Variants in MEIG1 observed in about 807,000 individuals in gnomAD.
The protein encoded by MEIG1 is meiosis/spermiogenesis associated 1, also known as meiosis expressed gene 1 protein homolog.
Under a neutral mutation model 11.3 loss-of-function variants are expected in MEIG1, and 12 were observed. The observed-to-expected ratio is 1.07, with a 90% CI of 0.68 to 1.73. MEIG1 has a LOEUF of 1.73. MEIG1 is among the 40% of genes most tolerant of loss of function. The pLI, the probability that MEIG1 is intolerant of heterozygous loss-of-function variation, is 0.00. For synonymous variants in MEIG1, 41 were observed against 33.2 expected (o/e 1.24, Z -0.81); for missense variants, 119 against 104.9 (o/e 1.13, Z -0.59).
chr10:14,971,652 A>G (rs1315827035), intron 2 of MEIG1, among the ~76,000 whole-genome samples: 1 of 152,230 alleles, frequency 6.6e-6, no homozygotes, highest in East Asian at 1.9e-4. Context: ...GTATTCATCA[A>G]CAATCAGCAG....
downstream of MEIG1, among the ~76,000 whole-genome samples, chr10:14,976,610 C>T (rs1344357950): frequency 6.6e-6 from 1 of 152,002 alleles, no homozygotes; most frequent in Non-Finnish European, 1.5e-5. Context: ...TCGTCCTATT[C>T]TAGGGAAATG....
upstream of MEIG1, among the ~76,000 whole-genome samples, chr10:14,956,853 C>T (rs541130074): frequency 1.3e-5 from 2 of 152,250 alleles, no homozygotes; most frequent in East Asian, 3.9e-4. Context: ...CACTTGAGGC[C>T]AGGAGTTAAA....
chr10:14,974,595 G>A (rs1371454943), downstream of MEIG1, among the ~76,000 whole-genome samples: 4 of 151,998 alleles, frequency 2.6e-5, no homozygotes, highest in Non-Finnish European at 4.4e-5. Context: ...GTGACTTACC[G>A]CGATTAATGG....
At position 14,972,510 on chromosome 10, in the gene MEIG1, C is replaced by T; in HGVS notation, c.139-3C>T. 1.2e-6 allele frequency: 2 copies of T among 1,613,884 alleles called. No homozygotes were observed. The highest frequency in any genetic ancestry group is 1.1e-5 in the South Asian group (1 of 91,064). ...CGTTTGTACTCTGGTTCTTGATGTGCAGGTAGATCGTTGGCCGGAGACAGG... is the reference window on the plus strand; with the variant it reads ...CGTTTGTACTCTGGTTCTTGATGTGTAGGTAGATCGTTGGCCGGAGACAGG... On this transcript the variant is annotated splice_region_variant and splice_polypyrimidine_tract_variant and intron_variant, in intron 2 of 2. Coordinates refer to ENST00000407572, the MANE Select transcript of MEIG1 (RefSeq NM_001080836.3).
chr10:14,971,401 G>A (rs775534808), intron 2 of MEIG1, among the ~76,000 whole-genome samples: 2 of 151,814 alleles, frequency 1.3e-5, no homozygotes, highest in Non-Finnish European at 2.9e-5. Context: ...AACTTATCTG[G>A]GCATGGTGGT....
At chr10:14,961,389 CATAT>C (rs1288558658) in intron 1 of MEIG1, among the ~76,000 whole-genome samples, 1 of 152,178 alleles carries the variant, frequency 6.6e-6, no homozygotes, top group Non-Finnish European at 1.5e-5. Context: ...CTAAGTATTT[CATAT>C]AATTCAGTTT....
chr10:14,982,534 C>T (rs567119341), intron 1 of MEIG1, among the ~76,000 whole-genome samples: 2 of 152,054 alleles, frequency 1.3e-5, no homozygotes, highest in East Asian at 3.9e-4. Flanking sequence ...CCTTCTGGGA[C>T]GGGGTATTGT....
Position 14,966,569 on chromosome 10 carries a change from A to G in MEIG1, c.101A>G (p.Asp34Gly), listed in dbSNP as rs1227069053. 3.1e-6 allele frequency: 5 copies of G among 1,612,136 alleles called. No homozygotes were observed. The highest frequency in any genetic ancestry group is 4.2e-6 in the Non-Finnish European group (5 of 1,179,408). Reference sequence around the variant, plus strand: ...AGATTTCAACAAGCAGGATATCGGGATGAAACCGAATATAGACAAGTGAAA... The same window carrying G: ...AGATTTCAACAAGCAGGATATCGGGGTGAAACCGAATATAGACAAGTGAAA... ...LYRFQQAGYR[D>G]ETEYRQVKQV... is the part of the protein sequence containing the mutation. Residue 34 changes from aspartate (D) to glycine (G), a missense_variant, in exon 2 of 3, where the codon GAT (aspartate) becomes GGT (glycine). Coordinates refer to ENST00000407572, the MANE Select transcript of MEIG1 (RefSeq NM_001080836.3).
intron 1 of MEIG1, among the ~76,000 whole-genome samples, chr10:14,984,517 CTTA>C (rs1310408885): frequency 1.3e-5 from 2 of 151,834 alleles, no homozygotes; most frequent in East Asian, 3.9e-4. Flanking sequence ...ACCTTGTGGT[CTTA>C]TTCTTCTTCT....
intron 1 of MEIG1, among the ~76,000 whole-genome samples, chr10:14,983,829 T>C (rs1350209719): frequency 1.3e-5 from 2 of 151,932 alleles, no homozygotes; most frequent in Non-Finnish European, 2.9e-5. Flanking sequence ...CTCCTCCCAA[T>C]AGCACAGAAA....
In MEIG1 at chr10:14,981,672, G is replaced by C. The variant is rs537834188; in HGVS notation, n.67-5124G>C. On this transcript the variant is annotated intron_variant and non_coding_transcript_variant, in intron 1 of 2. Transcript: ENST00000467536. ...TCCCTCAGTCCAATAACCCTTCTGC[G>C]AGGTTGAGCCGGGCCCCTTCCTCCT... is the stretch of plus-strand genomic sequence containing the variant. Among the ~76,000 whole-genome samples, 38 of 152,302 alleles carry C rather than the reference G, an allele frequency of 2.5e-4. No homozygotes were observed. The South Asian group carries it at 2.9e-3, about 12-fold the overall frequency.
chr10:14,976,918 A>G (rs961796922), downstream of MEIG1, among the ~76,000 whole-genome samples: 1 of 151,934 alleles, frequency 6.6e-6, no homozygotes, highest in Non-Finnish European at 1.5e-5. Flanking sequence ...TATTATTCGT[A>G]CTGTCCTGAA....
downstream of MEIG1, among the ~76,000 whole-genome samples, chr10:14,974,061 C>T (rs1243230610): frequency 6.6e-6 from 1 of 152,172 alleles, no homozygotes; most frequent in East Asian, 1.9e-4. Context: ...CCCTGAATAA[C>T]CTCAGAGACC....
intron 2 of MEIG1, among the ~76,000 whole-genome samples, chr10:14,969,264 T>C (rs768448008): frequency 4.0e-5 from 6 of 151,226 alleles, no homozygotes; most frequent in African/African-American, 7.3e-5. Flanking sequence ...CTGGGTGACA[T>C]AGTGAGAACC....
At chr10:14,971,213 A>AATG (rs1284639051) in intron 2 of MEIG1, among the ~76,000 whole-genome samples, 1 of 140,566 alleles carries the variant, frequency 7.1e-6, no homozygotes, top group African/African-American at 2.7e-5. Flanking sequence ...ATATAATAAT[A>AATG]ATGATAATAA....
At chr10:14,984,692 G>A (rs1843300753) in intron 1 of MEIG1, among the ~76,000 whole-genome samples, 1 of 152,094 alleles carries the variant, frequency 6.6e-6, no homozygotes, top group Non-Finnish European at 1.5e-5. Context: ...CACAGAGGGT[G>A]TACACTCTGT....
upstream of MEIG1, among the ~76,000 whole-genome samples, chr10:14,958,413 G>A (rs562107673): frequency 4.5e-4 from 69 of 152,160 alleles, no homozygotes; most frequent in Non-Finnish European, 8.4e-4. Context: ...TGTTTTGTTT[G>A]GGGCAGGTGC....
intron 2 of MEIG1, among the ~76,000 whole-genome samples, chr10:14,966,887 C>G (rs1314247227): frequency 6.6e-6 from 1 of 152,116 alleles, no homozygotes; most frequent in Non-Finnish European, 1.5e-5. Flanking sequence ...GCGTGCACCA[C>G]CACGCCTGGC....
downstream of MEIG1, among the ~76,000 whole-genome samples, chr10:14,974,805 C>T (rs1322049883): frequency 1.3e-5 from 2 of 151,736 alleles, no homozygotes; most frequent in Non-Finnish European, 2.9e-5. Flanking sequence ...GTCATATTAG[C>T]TCTTAATAAT....
Sources: gnomAD v4.1 joint callset for allele counts (sites outside exome capture counted in the v4.1 genomes callset) on GRCh38, gnomAD v4.1.1 for gene constraint, MANE v1.5 for transcripts, NCBI Gene and HGNC (gene_info 2026-07-23, HGNC 2026-07-21) for gene names.